UGDH: variants seen among roughly 807,000 people sequenced by gnomAD.
UGDH encodes the protein UDP-Glc dehydrogenase.
In UGDH, 38 loss-of-function variants were observed where a neutral mutation model predicts 50.6. The ratio of observed to expected loss-of-function variants is 0.75; its 90% confidence interval spans 0.58 to 0.98. The LOEUF is 0.98. Ranked by LOEUF, UGDH falls within the 50% of genes least tolerant of loss-of-function variation. The pLI, the probability that UGDH is intolerant of heterozygous loss-of-function variation, is 0.00. For synonymous variants in UGDH, 168 were observed against 199.9 expected, an observed-to-expected ratio of 0.84 and a Z score of 1.35; for missense variants, 465 against 606.2, an observed-to-expected ratio of 0.77 and a Z score of 2.45.
At chr4:39,525,248 C>G (rs1280477112) in intron 1 of UGDH, among the ~76,000 whole-genome samples, 1 of 152,218 alleles carries the variant, frequency 6.6e-6, no homozygotes, top group Non-Finnish European at 1.5e-5. Context: ...GGCTGGAGTG[C>G]AGTGGCACCA....
At chr4:39,526,997 T>G in intron 1 of UGDH, 1 of 1,288,512 alleles carries the variant, frequency 7.8e-7, no homozygotes, top group Non-Finnish European at 1.0e-6. Context: ...CAGGGAAATC[T>G]CATCCAAGTC....
At chr4:39,511,667 C>T (rs1456054274) in intron 3 of UGDH, among the ~76,000 whole-genome samples, 6 of 151,460 alleles carry the variant, frequency 4.0e-5, no homozygotes, top group Admixed American at 1.3e-4. Flanking sequence ...TAGACATTAC[C>T]TATCATCTTC....
At chr4:39,521,317 A>C in intron 2 of UGDH, 34 bp downstream of exon 2, 3 of 1,551,514 alleles carry the variant, frequency 1.9e-6, no homozygotes, top group Non-Finnish European at 2.6e-6. Flanking sequence ...GTAAGAAAAA[A>C]GCATAAAAAC....
At chr4:39,521,277 A>C (rs1293777091) in intron 2 of UGDH, 74 bp downstream of exon 2, 2 of 1,354,932 alleles carry the variant, frequency 1.5e-6, no homozygotes, top group Admixed American at 2.6e-5. Context: ...TTTTATATTA[A>C]TAGTGCATAT....
rs547127042 is a variant in UGDH at position 39,527,031 on chromosome 4, G to A, written c.-8+252C>T. 74 of 1,289,414 alleles carry A rather than the reference G, an allele frequency of 5.7e-5. No individual in the cohort carries two copies. In the East Asian group the frequency reaches 2.2e-3, roughly 39 times the overall value. The allele number at this position is 1,289,414 out of a possible 1,614,324, so 79.9% of individuals were successfully genotyped here. A position where few individuals can be genotyped will look rare whatever the true frequency, so the allele number is the denominator to read the frequency against. ...TCAGGAAAGTGGGTAAAGGCAGAAA[G>A]AGAAGGGGCTGGAAGACTCACGAGT... is the stretch of plus-strand genomic sequence containing the variant. On this transcript the variant is annotated intron_variant, in intron 1 of 11. Coordinates refer to ENST00000316423, the MANE Select transcript of UGDH (RefSeq NM_003359.4).
chr4:39,500,766 C>T (rs186226144), intron 11 of UGDH, among the ~76,000 whole-genome samples: 395 of 150,936 alleles, frequency 2.6e-3, no homozygotes, highest in South Asian at 5.4e-3. Context: ...AAGCAATTCT[C>T]CTGTCTGCCT....
At chr4:39,501,218 G>A (rs1055365771) in intron 11 of UGDH, among the ~76,000 whole-genome samples, 3 of 151,206 alleles carry the variant, frequency 2.0e-5, no homozygotes, top group Non-Finnish European at 2.9e-5. Flanking sequence ...CATCCGCCTT[G>A]GCCTCCCAAA....
At chr4:39,511,004 C>T (rs990033563) in intron 3 of UGDH, 143 bp from the exon 4 acceptor site, 1 of 711,204 alleles carries the variant, frequency 1.4e-6, no homozygotes, top group Non-Finnish European at 2.3e-6. Flanking sequence ...AGAAATAATA[C>T]ATTTTATAAA....
chr4:39,518,028 A>C (rs1233824586), intron 2 of UGDH, among the ~76,000 whole-genome samples: 1 of 152,126 alleles, frequency 6.6e-6, no homozygotes, highest in Non-Finnish European at 1.5e-5. Flanking sequence ...ACCCAGGTTC[A>C]AGTGATTCTC....
In UGDH at chr4:39,510,349, T is replaced by C; in HGVS notation, c.663+4A>G. Reference sequence around the variant, plus strand: ...TAATGAAGAGTTGAATGCTATATACTAACCAGTTTGGAAAGCTCTGAAGAC... The same window carrying C: ...TAATGAAGAGTTGAATGCTATATACCAACCAGTTTGGAAAGCTCTGAAGAC... On this transcript the variant is annotated splice_donor_region_variant and intron_variant, in intron 5 of 11. Coordinates refer to ENST00000316423, the MANE Select transcript of UGDH (RefSeq NM_003359.4). The C allele has an allele frequency of 6.2e-7, 1 of 1,614,164 alleles. No individual in the cohort carries two copies. Among genetic ancestry groups the C allele is most frequent in the Non-Finnish European group, 8.5e-7 (1 of 1,180,010 alleles).
chr4:39,509,809 C>T lies in UGDH; in HGVS notation c.762G>A (p.Ala254=), dbSNP rs151082046. The T allele has an allele frequency of 5.7e-5, 92 of 1,613,288 alleles. No individual in the cohort carries two copies. The East Asian group carries it at 1.7e-3, about 29-fold the overall frequency. Residue 254 remains alanine, a synonymous_variant, in exon 6 of 12, where the codon GCG becomes GCA. Transcript: ENST00000316423. The part of the protein sequence containing the change: ...TGADVEEVAT[A]IGMDQRIGNK... ...TTCCAATTCTCTGGTCCATTCCAAT[C>T]GCTGTTGCTACCTCTTCTACATCAG...
chr4:39,519,968 T>G (rs755149066), intron 2 of UGDH, among the ~76,000 whole-genome samples: 2 of 152,178 alleles, frequency 1.3e-5, no homozygotes, highest in Non-Finnish European at 2.9e-5. Flanking sequence ...AGACCTATCT[T>G]AGAGATAAAA....
chr4:39,503,739 C>T (rs1745916491), intron 11 of UGDH, 136 bp downstream of exon 11: 2 of 644,070 alleles, frequency 3.1e-6, no homozygotes, highest in Middle Eastern at 4.2e-4. Flanking sequence ...AAGGTATCAT[C>T]TTAATTAGCC....
intron 2 of UGDH, among the ~76,000 whole-genome samples, chr4:39,516,108 C>T (rs1002580742): frequency 3.3e-5 from 5 of 152,050 alleles, no homozygotes; most frequent in Non-Finnish European, 7.4e-5. Context: ...TGGCGAAACC[C>T]CATTTCTACT....
intron 11 of UGDH, among the ~76,000 whole-genome samples, chr4:39,503,239 G>A (rs1001268171): frequency 3.3e-5 from 5 of 152,144 alleles, no homozygotes; most frequent in South Asian, 4.1e-4. Flanking sequence ...TAATAGACAC[G>A]GGGTTTCACC....
At chr4:39,506,937 C>T (rs1746052329) in intron 7 of UGDH, among the ~76,000 whole-genome samples, 1 of 152,142 alleles carries the variant, frequency 6.6e-6, no homozygotes, top group Admixed American at 6.6e-5. Flanking sequence ...GTGGAAGGAT[C>T]ACTTGAGCCC....
At position 39,500,046 on chromosome 4, in the gene UGDH, A is replaced by G. The variant is rs1745732440; in HGVS notation, c.*97T>C. The stretch of plus-strand genomic sequence containing the variant: ...CTGTCTCAAAAAAAAAACAAAAAAA[A>G]ACACTTGGTTCATTTACCATTTAAT... On this transcript the variant is annotated 3_prime_UTR_variant, in exon 12 of 12. Transcript: ENST00000316423. 1.4e-6 allele frequency: 1 copy of G among 732,248 alleles called. No individual in the cohort carries two copies. The highest frequency in any genetic ancestry group is 2.2e-6 in the Non-Finnish European group (1 of 459,872). 45.4% of individuals were successfully genotyped at this position (732,248 alleles called of 1,614,324 possible).
At chr4:39,506,221 C>G (rs2109922395) in intron 7 of UGDH, among the ~76,000 whole-genome samples, 1 of 87,020 alleles carries the variant, frequency 1.1e-5, no homozygotes, top group Middle Eastern at 5.7e-3. Flanking sequence ...GAGCCAGACC[C>G]TGCCGTAAAT....
rs760533156 is a variant in UGDH at position 39,524,503 on chromosome 4, CT to C, written c.-8+2779del. 6.9e-3 allele frequency among the ~76,000 whole-genome samples: 1,001 copies of C among 144,584 alleles called. 9 individuals are homozygous for C. Among genetic ancestry groups the C allele is most frequent in the East Asian group, 0.029 (143 of 4,974 alleles). 94.9% of individuals were successfully genotyped at this position (144,584 alleles called of 152,430 possible). A position where few individuals can be genotyped will look rare whatever the true frequency, so the allele number is the denominator to read the frequency against. On this transcript the variant is annotated intron_variant, in intron 1 of 11. Coordinates refer to ENST00000316423, the MANE Select transcript of UGDH (RefSeq NM_003359.4). ...CAGTAATTGACCAGAATACTATCAA[CT>C]TTTTTTTTTTTTTTCTGACACAAGG...
Sources: allele counts gnomAD v4.1 joint callset (sites outside exome capture counted in the v4.1 genomes callset), GRCh38; gene constraint gnomAD v4.1.1; transcripts MANE v1.5; gene names NCBI Gene and HGNC (gene_info 2026-07-23, HGNC 2026-07-21).